Variants in SASS6 observed in about 807,000 individuals in gnomAD.
SASS6 encodes SAS-6 centriolar assembly protein, also known as spindle assembly abnormal protein 6 homolog.
SASS6 carries 59 observed loss-of-function variants against 94.9 expected under a neutral mutation model. The observed-to-expected ratio is 0.62, with a 90% confidence interval of 0.50 to 0.77. The LOEUF (loss-of-function observed/expected upper bound fraction) is 0.77, where lower values mean the gene tolerates loss of function less well. Among genes scored for constraint, SASS6 ranks in the 30% least tolerant of loss-of-function variants. SASS6 has a pLI of 0.00. For missense variants in SASS6, 698 were observed against 734.1 expected, an observed-to-expected ratio of 0.95 and a Z score of 0.57; for synonymous variants, 264 against 270.0, an observed-to-expected ratio of 0.98 and a Z score of 0.22.
chr1:100,088,265 C>G (rs745892661), intron 14 of SASS6, 29 bp from the exon 15 acceptor site: 5 of 1,101,646 alleles, frequency 4.5e-6, no homozygotes, highest in Non-Finnish European at 7.0e-6. Flanking sequence ...TCTCATGTAA[C>G]TGAGTTATAT....
intron 14 of SASS6, among the ~76,000 whole-genome samples, chr1:100,098,257 A>G (rs535141561): frequency 6.6e-6 from 1 of 152,212 alleles, no homozygotes; most frequent in South Asian, 2.1e-4. Context: ...TAAACCTCCC[A>G]AACAAAAAAA....
Position 100,107,370 on chromosome 1 carries a change from C to CT in SASS6, c.1326+3dup. 6 of 1,546,306 alleles carry CT rather than the reference C, an allele frequency of 3.9e-6. No homozygotes were observed. Among genetic ancestry groups the CT allele is most frequent in the Non-Finnish European group, 5.3e-6 (6 of 1,140,992 alleles). On this transcript the variant is annotated splice_donor_region_variant and intron_variant, in intron 11 of 16. Coordinates refer to ENST00000287482, the MANE Select transcript of SASS6 (RefSeq NM_194292.3). Reference sequence around the variant, plus strand: ...ACAACATAAAAATTTAAAATATTAACTACCTCTTGCTCTTTAATTCGAAGA... The same window carrying CT: ...ACAACATAAAAATTTAAAATATTAACTTACCTCTTGCTCTTTAATTCGAAGA...
chr1:100,132,643 A>C, intron 1 of SASS6, 107 bp downstream of exon 1: 2 of 936,944 alleles, frequency 2.1e-6, no homozygotes, highest in South Asian at 1.3e-5. Flanking sequence ...AGGGGGGCCG[A>C]CTCGACACCT....
intron 14 of SASS6, among the ~76,000 whole-genome samples, chr1:100,094,574 T>C (rs1056355010): frequency 2.6e-5 from 4 of 152,042 alleles, no homozygotes; most frequent in African/African-American, 9.7e-5. Context: ...AACTCCAAGC[T>C]GGGTGTTGGG....
intron 13 of SASS6, 49 bp downstream of exon 13, chr1:100,105,718 T>C: frequency 1.3e-6 from 2 of 1,571,876 alleles, no homozygotes; most frequent in Non-Finnish European, 1.7e-6. Context: ...GAAATACTTT[T>C]GTTTCAGGAA....
At chr1:100,107,074 A>C in intron 11 of SASS6, 81 bp from the exon 12 acceptor site, 1 of 646,702 alleles carries the variant, frequency 1.5e-6, no homozygotes, top group East Asian at 2.8e-5. Flanking sequence ...TATTAACTAA[A>C]TAATTACATA....
intron 14 of SASS6, among the ~76,000 whole-genome samples, chr1:100,100,331 T>C (rs1176960835): frequency 6.6e-6 from 1 of 152,194 alleles, no homozygotes; most frequent in Non-Finnish European, 1.5e-5. Context: ...CAATTTACTA[T>C]CTACTGGTGT....
Position 100,102,993 on chromosome 1 carries a change from A to T in SASS6, c.1636T>A (p.Ser546Thr). 7 of 1,612,166 alleles carry T rather than the reference A, an allele frequency of 4.3e-6. No individual in the cohort carries two copies. Among genetic ancestry groups the T allele is most frequent in the Non-Finnish European group, 5.9e-6 (7 of 1,178,438 alleles). The change falls in exon 14 of 17, where the codon TCT becomes ACT. Residue 546 changes from serine (S) to threonine (T), a missense_variant. Transcript: ENST00000287482. Reference sequence around the variant, plus strand: ...CCAGGGTGGCTGGTATTTTTGGCAGATATCGAATGAGGGAAGGTATTCTGG... The same window carrying T: ...CCAGGGTGGCTGGTATTTTTGGCAGTTATCGAATGAGGGAAGGTATTCTGG... ...AFQNTFPHSI[S>T]AKNTSHPGSG...
Position 100,120,627 on chromosome 1 carries a change from T to C in SASS6, c.484-168A>G, listed in dbSNP as rs185462618. ...ACAAGATCCCCAGATAATTTAAAGT[T>C]TGACATGCACTGATCTATAGCATTT... is the stretch of plus-strand genomic sequence containing the variant. On this transcript the variant is annotated intron_variant, in intron 5 of 16. Transcript: ENST00000287482. 1.3e-3 allele frequency among the ~76,000 whole-genome samples: 203 copies of C among 152,362 alleles called. 4 individuals carry two copies. Among genetic ancestry groups the C allele is most frequent in the Non-Finnish European group, 4.7e-4 (32 of 68,038 alleles).
At chr1:100,114,519 A>T (rs1490045555) in intron 7 of SASS6, among the ~76,000 whole-genome samples, 1 of 148,374 alleles carries the variant, frequency 6.7e-6, no homozygotes, top group African/African-American at 2.5e-5. Context: ...CTCCATCTCT[A>T]AAAAAAAAAT....
intron 14 of SASS6, among the ~76,000 whole-genome samples, chr1:100,100,730 G>A (rs115159511): frequency 0.011 from 1,697 of 152,228 alleles, 33 homozygotes; most frequent in African/African-American, 0.038. Flanking sequence ...CAGGTTCAAC[G>A]TCAAAAATAA....
chr1:100,096,251 C>T (rs1652090501), intron 14 of SASS6, among the ~76,000 whole-genome samples: 1 of 152,146 alleles, frequency 6.6e-6, no homozygotes, highest in Non-Finnish European at 1.5e-5. Context: ...ACATGGTCAA[C>T]TGATTTTCAA....
chr1:100,123,592 A>G (rs1654359813), intron 2 of SASS6, among the ~76,000 whole-genome samples: 2 of 152,236 alleles, frequency 1.3e-5, no homozygotes, highest in African/African-American at 4.8e-5. Flanking sequence ...AGTCCTTGCT[A>G]CACCATAACA....
intron 15 of SASS6, among the ~76,000 whole-genome samples, chr1:100,086,667 T>C (rs758263390): frequency 4.6e-5 from 7 of 151,752 alleles, no homozygotes; most frequent in East Asian, 3.9e-4. Context: ...TGTACCACCA[T>C]GTCTGGCTTT....
chr1:100,116,160 T>TG (rs1380541795), intron 7 of SASS6, among the ~76,000 whole-genome samples: 10 of 152,272 alleles, frequency 6.6e-5, no homozygotes, highest in African/African-American at 2.4e-4. Context: ...ATAATGTACA[T>TG]GATAGATAAG....
At chr1:100,091,622 A>C (rs1328523636) in intron 14 of SASS6, among the ~76,000 whole-genome samples, 2 of 149,536 alleles carry the variant, frequency 1.3e-5, no homozygotes, top group African/African-American at 5.0e-5. Context: ...AATGTAAAAA[A>C]GTCTCATTAA....
intron 14 of SASS6, among the ~76,000 whole-genome samples, chr1:100,101,846 G>C (rs1209821630): frequency 6.6e-6 from 1 of 152,080 alleles, no homozygotes; most frequent in East Asian, 1.9e-4. Context: ...GCAATAATAA[G>C]GCTATGGCTA....
In SASS6 at chr1:100,085,639, G is replaced by T. The variant is rs1359793954; in HGVS notation, c.1773-9C>A. The T allele has an allele frequency of 8.5e-6, 13 of 1,525,540 alleles. No homozygotes were observed. In the South Asian group the frequency reaches 1.4e-4, roughly 16 times the overall value. 94.5% of individuals were successfully genotyped at this position (1,525,540 alleles called of 1,614,324 possible). On this transcript the variant is annotated splice_polypyrimidine_tract_variant and intron_variant, in intron 15 of 16. Coordinates refer to ENST00000287482, the MANE Select transcript of SASS6 (RefSeq NM_194292.3). ...ACCCTACATTTTCACCACTTAAAAAGAAAATGGTAATAACTTATTTAACAA... is the reference window on the plus strand; with the variant it reads ...ACCCTACATTTTCACCACTTAAAAATAAAATGGTAATAACTTATTTAACAA...
chr1:100,093,572 G>C (rs1651910062), intron 14 of SASS6, among the ~76,000 whole-genome samples: 1 of 151,962 alleles, frequency 6.6e-6, no homozygotes, highest in South Asian at 2.1e-4. Context: ...ATTGGCCTGG[G>C]AAACATGGCA....
Sources: gnomAD v4.1 joint callset for allele counts (sites outside exome capture counted in the v4.1 genomes callset) on GRCh38, gnomAD v4.1.1 for gene constraint, MANE v1.5 for transcripts, NCBI Gene and HGNC (gene_info 2026-07-23, HGNC 2026-07-21) for gene names.